The following EYS variants were observed in gnomAD, a reference collection of about 807,000 sequenced individuals.
EYS encodes protein eyes shut homolog.
Under a neutral mutation model 282.1 loss-of-function variants are expected in EYS, and 250 were observed. The ratio of observed to expected loss-of-function variants is 0.89; its 90% confidence interval spans 0.80 to 0.98. The LOEUF is 0.98. EYS is among the 50% of genes least tolerant of loss of function. The pLI is 0.00. For missense variants in EYS, 4,016 were observed against 3,709.0 expected (o/e 1.08, Z -2.15); for synonymous variants, 1,355 against 1,282.9 (o/e 1.06, Z -1.20).
chr6:64,564,805 G>C (rs1216502241), intron 26 of EYS, among the ~76,000 whole-genome samples: 1 of 151,884 alleles, frequency 6.6e-6, no homozygotes, highest in Non-Finnish European at 1.5e-5. Context: ...GGGGGTCGGG[G>C]GCTAGGGGAG....
intron 26 of EYS, among the ~76,000 whole-genome samples, chr6:64,538,480 G>A (rs1764597898): frequency 6.6e-6 from 1 of 152,042 alleles, no homozygotes; most frequent in African/African-American, 2.4e-5. Flanking sequence ...ACCATATAGT[G>A]TTTTTGCTTT....
intron 11 of EYS, among the ~76,000 whole-genome samples, chr6:65,328,701 T>C (rs1769692585): frequency 6.6e-6 from 1 of 150,898 alleles, no homozygotes; most frequent in Admixed American, 6.6e-5. Context: ...CTAGGTAAAA[T>C]TCTATAAGTT....
intron 2 of EYS, among the ~76,000 whole-genome samples, chr6:65,546,785 G>A (rs941586116): frequency 2.0e-5 from 3 of 151,834 alleles, no homozygotes; most frequent in African/African-American, 2.4e-5. Context: ...TGGCCGGGGC[G>A]GTCTTGAAAT....
intron 34 of EYS, among the ~76,000 whole-genome samples, chr6:63,985,454 C>T (rs1048983614): frequency 6.6e-6 from 1 of 151,558 alleles, no homozygotes; most frequent in Admixed American, 6.6e-5. Flanking sequence ...CTATGGCAAC[C>T]CTGACAAACT....
Position 63,996,140 on chromosome 6 carries a change from C to A in EYS, c.6834+2935G>T, listed in dbSNP as rs373129957. 6.6e-5 allele frequency among the ~76,000 whole-genome samples: 10 copies of A among 151,556 alleles called. No individual in the cohort carries two copies. The East Asian group carries it at 1.9e-3, about 30-fold the overall frequency. ...ATATGTGTAGATATTATGGAATATT[C>A]AATTTTTTAAAAGAAAGAAATCTTT... On this transcript the variant is annotated intron_variant, in intron 34 of 42. Transcript: ENST00000503581.
intron 5 of EYS, among the ~76,000 whole-genome samples, chr6:65,455,172 T>G (rs1764554722): frequency 1.3e-5 from 2 of 152,162 alleles, no homozygotes; most frequent in South Asian, 4.1e-4. Context: ...CTCTTTGATT[T>G]CTTTTATAAA....
rs1207484094 is a variant in EYS, at chr6:64,945,783, T to G, written c.2381+10A>C. On this transcript the variant is annotated intron_variant, in intron 15 of 42. Transcript: ENST00000503581. ...AATTTCATGAAGAAAGCTAAAAATA[T>G]GTTACTCACCGATAGCTTTTGTAAA... The G allele has an allele frequency of 3.9e-6, 6 of 1,548,496 alleles. No individual in the cohort carries two copies. Among genetic ancestry groups the G allele is most frequent in the Non-Finnish European group, 5.2e-6 (6 of 1,145,076 alleles).
intron 2 of EYS, among the ~76,000 whole-genome samples, chr6:65,561,558 AAT>A (rs1391691632): frequency 2.6e-5 from 4 of 152,104 alleles, no homozygotes; most frequent in Non-Finnish European, 5.9e-5. Flanking sequence ...TCCAATGGGT[AAT>A]GGTATGTATT....
chr6:64,595,486 G>C (rs1173271720), intron 24 of EYS, among the ~76,000 whole-genome samples: 1 of 152,056 alleles, frequency 6.6e-6, no homozygotes, highest in Non-Finnish European at 1.5e-5. Context: ...TAGAAAAAAG[G>C]AAGTCAAACT....
intron 30 of EYS, among the ~76,000 whole-genome samples, chr6:64,254,705 A>C (rs776197723): frequency 1.3e-5 from 2 of 151,976 alleles, no homozygotes; most frequent in Non-Finnish European, 2.9e-5. Flanking sequence ...GGTTTCCACT[A>C]CACCTCATCC....
intron 12 of EYS, among the ~76,000 whole-genome samples, chr6:65,217,556 G>A (rs927129344): frequency 2.6e-5 from 4 of 151,972 alleles, no homozygotes; most frequent in East Asian, 1.9e-4. Flanking sequence ...ATGATGAGAC[G>A]GGCTGGAGCA....
intron 35 of EYS, among the ~76,000 whole-genome samples, chr6:63,971,085 C>T (rs748370829): frequency 6.6e-6 from 1 of 152,178 alleles, no homozygotes; most frequent in Admixed American, 6.5e-5. Flanking sequence ...AAGTTATTCT[C>T]ATTTCTACTG....
chr6:64,501,779 C>T (rs1777052352), intron 26 of EYS, among the ~76,000 whole-genome samples: 1 of 152,108 alleles, frequency 6.6e-6, no homozygotes, highest in Non-Finnish European at 1.5e-5. Flanking sequence ...TATGCAGTGA[C>T]TTAACATTAT....
At chr6:65,147,941 A>T (rs1216878545) in intron 12 of EYS, among the ~76,000 whole-genome samples, 1 of 151,970 alleles carries the variant, frequency 6.6e-6, no homozygotes, top group Non-Finnish European at 1.5e-5. Context: ...TCTCCTGAGA[A>T]CTCACTCACT....
At chr6:65,540,223 T>C (rs190385604) in intron 2 of EYS, among the ~76,000 whole-genome samples, 132 of 152,290 alleles carry the variant, frequency 8.7e-4, no homozygotes, top group Non-Finnish European at 1.2e-3. Flanking sequence ...ACCAAGCACA[T>C]TGTATTCTAA....
At position 63,974,790 on chromosome 6, in the gene EYS, C is replaced by T. The variant is rs1312530349; in HGVS notation, c.7055+9593G>A. 2.6e-5 allele frequency among the ~76,000 whole-genome samples: 4 copies of T among 152,046 alleles called. No individual in the cohort carries two copies. In the South Asian group the frequency reaches 8.3e-4, roughly 32 times the overall value. ...TGTATTTGTAATCATGACTTTAATA[C>T]AACACTTATTTGCCGAAGATCTATC... On this transcript the variant is annotated intron_variant, in intron 35 of 42. Transcript: ENST00000503581.
chr6:65,259,643 G>A (rs1185554096), intron 12 of EYS, among the ~76,000 whole-genome samples: 10 of 151,932 alleles, frequency 6.6e-5, no homozygotes, highest in Admixed American at 4.6e-4. Flanking sequence ...GGTTTGTTTT[G>A]TTTGTTTGTT....
At position 65,048,001 on chromosome 6, in the gene EYS, A is replaced by T. The variant is rs138647613; in HGVS notation, c.2137+9613T>A. Among the ~76,000 whole-genome samples, 22 of 151,962 alleles carry T rather than the reference A, an allele frequency of 1.4e-4. No homozygotes were observed. In the East Asian group the frequency reaches 4.1e-3, roughly 28 times the overall value. On this transcript the variant is annotated intron_variant, in intron 13 of 42. Transcript: ENST00000503581. ...TGCATCTGTCTCTTCCTTTCCTCTT[A>T]TTTCATATTGGGGCTCCCATTTGCC...
intron 28 of EYS, among the ~76,000 whole-genome samples, chr6:64,403,897 G>T (rs1181899376): frequency 6.6e-6 from 1 of 152,084 alleles, no homozygotes; most frequent in African/African-American, 2.4e-5. Context: ...TGAGAAACTG[G>T]ATTTTTTCAG....
Sources: allele counts gnomAD v4.1 joint callset (sites outside exome capture counted in the v4.1 genomes callset), GRCh38; gene constraint gnomAD v4.1.1; transcripts MANE v1.5; gene names NCBI Gene and HGNC (gene_info 2026-07-23, HGNC 2026-07-21).